Variants in SLCO4A1 observed in about 807,000 individuals in gnomAD.
SLCO4A1 encodes colon organic anion transporter.
Under a neutral mutation model 64.6 loss-of-function variants are expected in SLCO4A1, and 51 were observed. That is an observed-to-expected ratio of 0.79 (90% CI 0.63 to 1.00). The LOEUF (loss-of-function observed/expected upper bound fraction) is 1.00, where lower values mean the gene tolerates loss of function less well. Ranked by LOEUF, SLCO4A1 falls within the 50% of genes least tolerant of loss-of-function variation. The pLI is 0.00. For synonymous variants in SLCO4A1, 471 were observed against 444.9 expected (o/e 1.06, Z -0.74); for missense variants, 919 against 980.5 (o/e 0.94, Z 0.84).
downstream of SLCO4A1, among the ~76,000 whole-genome samples, chr20:62,687,231 G>A (rs1388044245): frequency 7.1e-6 from 1 of 141,202 alleles, no homozygotes; most frequent in African/African-American, 2.8e-5. Context: ...GGCCTCTGAA[G>A]GCAAGTGGCA....
chr20:62,651,451 G>C (rs1443925356), intron 1 of SLCO4A1: 1 of 152,272 alleles, frequency 6.6e-6, no homozygotes, highest in Non-Finnish European at 1.5e-5. Flanking sequence ...GAGGTGCACA[G>C]CTGGTGAGCT....
Position 62,668,179 on chromosome 20 carries a change from T to C in SLCO4A1, c.1806T>C (p.Thr602=). Residue 602 remains threonine (T), a synonymous_variant, in exon 9 of 12, where the codon ACT becomes ACC. Coordinates refer to ENST00000217159, the MANE Select transcript of SLCO4A1 (RefSeq NM_016354.4). ...FLSSIPALTA[T]LRCVRDPQRS... Reference sequence around the variant, plus strand: ...GCAGCATTCCTGCACTAACGGCAACTCTACGGTAAGCTGGGGTCGGGTGTG... The same window carrying C: ...GCAGCATTCCTGCACTAACGGCAACCCTACGGTAAGCTGGGGTCGGGTGTG... The C allele has an allele frequency of 6.2e-7, 1 of 1,613,760 alleles. No individual in the cohort carries two copies. Among genetic ancestry groups the C allele is most frequent in the Non-Finnish European group, 8.5e-7 (1 of 1,179,846 alleles).
chr20:62,680,050 C>G (rs2427374), intron 2 of SLCO4A1, among the ~76,000 whole-genome samples: 95,721 of 152,090 alleles, frequency 0.63, 31,033 homozygotes, highest in African/African-American at 0.78. Context: ...GACAAGATTT[C>G]TAGATCGAGA....
chr20:62,673,532 T>C (rs1234230736), downstream of SLCO4A1, among the ~76,000 whole-genome samples: 2 of 143,612 alleles, frequency 1.4e-5, 1 homozygote, highest in Non-Finnish European at 3.2e-5. Context: ...AGATGCCACA[T>C]CCCTGACCGG....
At chr20:62,642,937 G>A (rs1980646425) in intron 1 of SLCO4A1, 1 of 456,954 alleles carries the variant, frequency 2.2e-6, no homozygotes. Context: ...CCCGGAGCGC[G>A]CGCAGGCGCA....
In SLCO4A1 at chr20:62,671,904, C is replaced by T. The variant is rs371503138; in HGVS notation, c.*11C>T. The stretch of plus-strand genomic sequence containing the variant: ...CAGAGCAGCGTCTGACCACCGCCCG[C>T]GCCCACCCGGCCACGGCGGGCACTC... On this transcript the variant is annotated 3_prime_UTR_variant, in exon 12 of 12. Coordinates refer to ENST00000217159, the MANE Select transcript of SLCO4A1 (RefSeq NM_016354.4). 118 of 1,609,188 alleles carry T rather than the reference C, an allele frequency of 7.3e-5. No homozygotes were observed. Among genetic ancestry groups the T allele is most frequent in the Middle Eastern group, 6.6e-4 (4 of 6,084 alleles).
At chr20:62,666,918 T>C (rs1986455764) in intron 7 of SLCO4A1, among the ~76,000 whole-genome samples, 1 of 152,034 alleles carries the variant, frequency 6.6e-6, no homozygotes, top group Non-Finnish European at 1.5e-5. Flanking sequence ...ACATAAAAAG[T>C]GTCCCAGGAT....
chr20:62,660,408 A>G lies in SLCO4A1; in HGVS notation c.888-4A>G, dbSNP rs369928691. 4.4e-5 allele frequency: 68 copies of G among 1,541,032 alleles called. No individual in the cohort carries two copies. The highest frequency in any genetic ancestry group is 5.7e-5 in the Non-Finnish European group (66 of 1,154,274). On this transcript the variant is annotated splice_region_variant and splice_polypyrimidine_tract_variant and intron_variant, in intron 3 of 11. Transcript: ENST00000217159. ...TGACCCAGGTGCCACTGCCTCTTCCACAGGACGGAGCTGACCACCGAGAGC... is the reference window on the plus strand; with the variant it reads ...TGACCCAGGTGCCACTGCCTCTTCCGCAGGACGGAGCTGACCACCGAGAGC...
intron 1 of SLCO4A1, among the ~76,000 whole-genome samples, chr20:62,648,684 C>T (rs1176424185): frequency 6.6e-6 from 1 of 152,212 alleles, no homozygotes; most frequent in Non-Finnish European, 1.5e-5. Context: ...CTGGTTCAGG[C>T]CTCCAGAAGG....
chr20:62,653,587 G>A (rs975554560), intron 1 of SLCO4A1, among the ~76,000 whole-genome samples: 3 of 152,192 alleles, frequency 2.0e-5, no homozygotes, highest in Non-Finnish European at 1.5e-5. Context: ...CACCGGCTGC[G>A]CCTCCGCTCC....
Position 62,661,359 on chromosome 20 carries a change from C to G in SLCO4A1, c.1121+184C>G, listed in dbSNP as rs886784932. 6.6e-6 allele frequency among the ~76,000 whole-genome samples: 1 copy of G among 152,148 alleles called. No homozygotes were observed. Among genetic ancestry groups the G allele is most frequent in the African/African-American group, 2.4e-5 (1 of 41,432 alleles). ...CCTCTGGGCCAGGGGCCGCAGACCC[C>G]GCCTCAGGGCTGCAGAGCCGTGGGA... On this transcript the variant is annotated intron_variant, in intron 5 of 11. Coordinates refer to ENST00000217159, the MANE Select transcript of SLCO4A1 (RefSeq NM_016354.4). This position sits in a 1 kb window ranked among gnomAD's most constrained non-coding sequence, Gnocchi z 5.2.
chr20:62,670,751 G>C (rs1218966254), intron 11 of SLCO4A1, among the ~76,000 whole-genome samples: 2 of 152,224 alleles, frequency 1.3e-5, no homozygotes, highest in Non-Finnish European at 2.9e-5. Context: ...TATCCAGAGG[G>C]TCAGAGTTGG....
intron 4 of SLCO4A1, 97 bp from the exon 5 acceptor site, chr20:62,660,966 CG>C: frequency 1.2e-6 from 1 of 823,424 alleles, no homozygotes; most frequent in Middle Eastern, 3.6e-4. Flanking sequence ...GTTCCCAGAC[CG>C]GGGAGGGGCA....
downstream of SLCO4A1, among the ~76,000 whole-genome samples, chr20:62,690,467 C>T (rs1400727046): frequency 1.3e-5 from 2 of 152,226 alleles, no homozygotes; most frequent in Non-Finnish European, 2.9e-5. Flanking sequence ...ACTCCACGCC[C>T]GCCCTCCACC....
chr20:62,671,595 T>C (rs1157409136), intron 11 of SLCO4A1, among the ~76,000 whole-genome samples, 155 bp from the exon 12 acceptor site: 1 of 152,126 alleles, frequency 6.6e-6, no homozygotes. Flanking sequence ...AAACCGGTTA[T>C]ATGGGAAAGA....
rs373866580 is a variant in SLCO4A1, at chr20:62,645,454, G to A, written c.-97+2901G>A. Among the ~76,000 whole-genome samples, 1 of 148,690 alleles carries A rather than the reference G, an allele frequency of 6.7e-6. No homozygotes were observed. The highest frequency in any genetic ancestry group is 2.5e-5 in the African/African-American group (1 of 40,240). ...TTCAGGCTACGGTGAGGGTGAGGGTGCGGGTGAGGATGAGGGTGCGGGTGA... is the reference window on the plus strand; with the variant it reads ...TTCAGGCTACGGTGAGGGTGAGGGTACGGGTGAGGATGAGGGTGCGGGTGA... On this transcript the variant is annotated intron_variant, in intron 1 of 11. Coordinates refer to ENST00000217159, the MANE Select transcript of SLCO4A1 (RefSeq NM_016354.4). The surrounding 1 kb of genome is among the most constrained non-coding windows in gnomAD (Gnocchi z 4.2).
Position 62,661,201 on chromosome 20 carries a change from C to A in SLCO4A1, c.1121+26C>A. 1 of 1,519,884 alleles carries A rather than the reference C, an allele frequency of 6.6e-7. No homozygotes were observed. Among genetic ancestry groups the A allele is most frequent in the Non-Finnish European group, 9.1e-7 (1 of 1,095,058 alleles). The allele number at this position is 1,519,884 out of a possible 1,614,324, so 94.1% of individuals were successfully genotyped here. A position where few individuals can be genotyped will look rare whatever the true frequency, so the allele number is the denominator to read the frequency against. On this transcript the variant is annotated intron_variant, in intron 5 of 11. Transcript: ENST00000217159. The surrounding 1 kb of genome is among the most constrained non-coding windows in gnomAD (Gnocchi z 5.2). ...GTAAGGACCGGAGTCGGGAGGGTTC[C>A]TAGTGTCCTCAGACCCTTTAATGGT...
downstream of SLCO4A1, among the ~76,000 whole-genome samples, chr20:62,688,337 A>T (rs1988132087): frequency 6.6e-6 from 1 of 151,904 alleles, no homozygotes; most frequent in Admixed American, 6.6e-5. Flanking sequence ...TACACCACTC[A>T]GTGCTAGGAC....
In SLCO4A1 at chr20:62,672,192, G is replaced by T; in HGVS notation, c.*299G>T. The T allele has an allele frequency of 1.5e-6, 2 of 1,304,874 alleles. No individual in the cohort carries two copies. Among genetic ancestry groups the T allele is most frequent in the Middle Eastern group, 2.6e-4 (1 of 3,796 alleles). 80.8% of individuals were successfully genotyped at this position (1,304,874 alleles called of 1,614,324 possible). A position where few individuals can be genotyped will look rare whatever the true frequency, so the allele number is the denominator to read the frequency against. ...CGTGAGGACAAACTCCGCAGGGGCT[G>T]TGAATCCCACTGGGAGGGCGGTGGG... On this transcript the variant is annotated 3_prime_UTR_variant, in exon 12 of 12. Transcript: ENST00000217159.
Sources: gnomAD v4.1 joint callset for allele counts (sites outside exome capture counted in the v4.1 genomes callset) on GRCh38, gnomAD v4.1.1 for gene constraint, Gnocchi (gnomAD v3.1) non-coding constraint, MANE v1.5 for transcripts, NCBI Gene and HGNC (gene_info 2026-07-23, HGNC 2026-07-21) for gene names.